Variants in HAUS1 observed in about 807,000 individuals in gnomAD.
HAUS1 encodes HAUS augmin like complex subunit 1.
Under a neutral mutation model 38.6 loss-of-function variants are expected in HAUS1, and 25 were observed. That is an observed-to-expected ratio of 0.65 (90% CI 0.47 to 0.91). The LOEUF (loss-of-function observed/expected upper bound fraction) is 0.91, where lower values mean the gene tolerates loss of function less well. Among genes scored for constraint, HAUS1 ranks in the 40% least tolerant of loss-of-function variants. The pLI is 0.00. For synonymous variants in HAUS1, 109 were observed against 112.9 expected, an observed-to-expected ratio of 0.97 and a Z score of 0.22; for missense variants, 325 against 328.4, an observed-to-expected ratio of 0.99 and a Z score of 0.08.
intron 2 of HAUS1, among the ~76,000 whole-genome samples, chr18:46,111,971 C>T (rs1474979180): frequency 8.0e-5 from 12 of 150,028 alleles, no homozygotes; most frequent in African/African-American, 1.7e-4. Flanking sequence ...CTGCAACCTC[C>T]GCCTCCCAGG....
chr18:46,115,538 G>A lies in HAUS1; in HGVS notation c.206-2643G>A, dbSNP rs1046272021. Among the ~76,000 whole-genome samples, 30 of 151,948 alleles carry A rather than the reference G, an allele frequency of 2.0e-4. 1 individual carries two copies. The South Asian group carries it at 4.4e-3, about 22-fold the overall frequency. ...AGCTACTTGGGAGGCTGAGGTGGGA[G>A]GATTGCTTGAGCCCGGGAAGCAGAG... On this transcript the variant is annotated intron_variant, in intron 2 of 8. Transcript: ENST00000282058.
chr18:46,116,876 T>C lies in HAUS1; in HGVS notation c.206-1305T>C, dbSNP rs1048409741. Among the ~76,000 whole-genome samples, 4 of 151,942 alleles carry C rather than the reference T, an allele frequency of 2.6e-5. No individual in the cohort carries two copies. The South Asian group carries it at 6.2e-4, about 24-fold the overall frequency. ...AAAAAATACAAAAATTAGCCAGGTA[T>C]AGTGGTCCACAGGTACCTGTGAGGC... On this transcript the variant is annotated intron_variant, in intron 2 of 8. Coordinates refer to ENST00000282058, the MANE Select transcript of HAUS1 (RefSeq NM_138443.4).
intron 8 of HAUS1, chr18:46,126,677 T>G (rs1284558459): frequency 6.6e-6 from 1 of 151,696 alleles, no homozygotes; most frequent in African/African-American, 2.4e-5. Context: ...CAGACTAGAG[T>G]GCAGTGGCGT....
intron 2 of HAUS1, among the ~76,000 whole-genome samples, chr18:46,109,477 A>G (rs776594031): frequency 1.8e-4 from 28 of 152,188 alleles, no homozygotes; most frequent in Non-Finnish European, 3.1e-4. Context: ...ATGACCAGAG[A>G]ATACATTGCA....
At chr18:46,107,103 T>A (rs1388160144) in intron 2 of HAUS1, among the ~76,000 whole-genome samples, 1 of 152,076 alleles carries the variant, frequency 6.6e-6, no homozygotes, top group Non-Finnish European at 1.5e-5. Context: ...TTAATACACT[T>A]AGAGTGTAGA....
intron 2 of HAUS1, among the ~76,000 whole-genome samples, chr18:46,111,831 A>G (rs1777751972): frequency 6.7e-6 from 1 of 148,792 alleles, no homozygotes; most frequent in Non-Finnish European, 1.5e-5. Flanking sequence ...GTATGTTGGT[A>G]TGCTTAATGG....
intron 8 of HAUS1, among the ~76,000 whole-genome samples, chr18:46,126,453 G>A (rs1278190668): frequency 2.0e-5 from 3 of 152,102 alleles, no homozygotes; most frequent in South Asian, 4.1e-4. Flanking sequence ...GATAAAGTCC[G>A]GCTGCTTAGA....
chr18:46,112,097 G>A (rs1279444280), intron 2 of HAUS1, among the ~76,000 whole-genome samples: 1 of 150,418 alleles, frequency 6.6e-6, no homozygotes, highest in Admixed American at 6.7e-5. Flanking sequence ...ATGTTGGCCA[G>A]GCTGGTCTCG....
chr18:46,106,790 G>C (rs1011905821), intron 2 of HAUS1: 2 of 152,278 alleles, frequency 1.3e-5, no homozygotes, highest in East Asian at 1.9e-4. Context: ...CAAGGTGGGC[G>C]GATCACTTGA....
chr18:46,112,990 T>TAC (rs1911699991), intron 2 of HAUS1, among the ~76,000 whole-genome samples: 1 of 98,168 alleles, frequency 1.0e-5, no homozygotes, highest in Non-Finnish European at 2.0e-5. Context: ...ATATATAATA[T>TAC]ATATTCCATA....
At chr18:46,127,533 A>T (rs1912141942) in intron 8 of HAUS1, among the ~76,000 whole-genome samples, 1 of 151,900 alleles carries the variant, frequency 6.6e-6, no homozygotes, top group Non-Finnish European at 1.5e-5. Flanking sequence ...GTGAAACCCC[A>T]TCTCTACTAA....
At chr18:46,107,347 C>T (rs1911506570) in intron 2 of HAUS1, among the ~76,000 whole-genome samples, 2 of 152,146 alleles carry the variant, frequency 1.3e-5, no homozygotes, top group African/African-American at 2.4e-5. Flanking sequence ...CTATCATATA[C>T]TGTAACCAAA....
intron 2 of HAUS1, 75 bp from the exon 3 acceptor site, chr18:46,118,106 A>T: frequency 7.0e-7 from 1 of 1,438,356 alleles, no homozygotes; most frequent in Non-Finnish European, 9.7e-7. Context: ...ATGCTATGTG[A>T]ATTATGTCTT....
At chr18:46,125,410 G>T (rs534077317) in intron 7 of HAUS1, among the ~76,000 whole-genome samples, 1 of 152,042 alleles carries the variant, frequency 6.6e-6, no homozygotes, top group Admixed American at 6.6e-5. Context: ...TTAGCAGGGC[G>T]TGGTGGTGGG....
intron 5 of HAUS1, among the ~76,000 whole-genome samples, 155 bp downstream of exon 5, chr18:46,122,745 A>T (rs1034046970): frequency 2.6e-5 from 4 of 152,198 alleles, no homozygotes; most frequent in African/African-American, 9.7e-5. Flanking sequence ...CAGTAAGCAG[A>T]TCTAGATTCA....
intron 2 of HAUS1, among the ~76,000 whole-genome samples, chr18:46,110,240 C>G (rs573182635): frequency 5.8e-4 from 85 of 145,738 alleles, no homozygotes; most frequent in Non-Finnish European, 7.9e-4. Context: ...ACTGCAGCCT[C>G]GAACTTCTGG....
chr18:46,105,643 G>A (rs1911451617), intron 2 of HAUS1, among the ~76,000 whole-genome samples: 1 of 151,468 alleles, frequency 6.6e-6, no homozygotes, highest in African/African-American at 2.4e-5. Context: ...GTGCAGTGGT[G>A]TGATCTCAGC....
chr18:46,123,071 CGTG>C (rs1568266506), intron 5 of HAUS1: 2 of 434,476 alleles, frequency 4.6e-6, no homozygotes, highest in African/African-American at 4.1e-5. Flanking sequence ...ATTAGCCGGG[CGTG>C]GTGGTGGGCG....
chr18:46,105,068 T>C, intron 1 of HAUS1, 126 bp from the exon 2 acceptor site: 2 of 583,546 alleles, frequency 3.4e-6, no homozygotes, highest in Non-Finnish European at 5.9e-6. Flanking sequence ...AGTGAGGTTG[T>C]GAAGTAGGAC....
Sources: allele counts gnomAD v4.1 joint callset (sites outside exome capture counted in the v4.1 genomes callset), GRCh38; gene constraint gnomAD v4.1.1; transcripts MANE v1.5; gene names NCBI Gene and HGNC (gene_info 2026-07-23, HGNC 2026-07-21).